Variants in ZFAND3 observed in about 807,000 individuals in gnomAD.
ZFAND3 encodes zinc finger AN1-type containing 3.
In ZFAND3, 10 loss-of-function variants were observed where a neutral mutation model predicts 29.6. The ratio of observed to expected loss-of-function variants is 0.34; its 90% CI spans 0.21 to 0.57. The LOEUF (loss-of-function observed/expected upper bound fraction) is 0.57. Among genes scored for constraint, ZFAND3 ranks in the 20% least tolerant of loss-of-function variants. The pLI, the probability that ZFAND3 is intolerant of heterozygous loss-of-function variation, is 0.86. For synonymous variants in ZFAND3, 128 were observed against 112.6 expected (o/e 1.14, Z -0.87); for missense variants, 230 against 304.5 (o/e 0.76, Z 1.82).
At chr6:37,895,092 A>T (rs187741) in intron 1 of ZFAND3, among the ~76,000 whole-genome samples, 96,302 of 151,784 alleles carry the variant, frequency 0.63, 31,314 homozygotes, top group African/African-American at 0.75. Flanking sequence ...TCTTCAAAAA[A>T]TTTTTTGCCT....
At chr6:37,915,767 T>G (rs1251301791) in intron 1 of ZFAND3, 1 of 152,008 alleles carries the variant, frequency 6.6e-6, no homozygotes, top group South Asian at 2.1e-4. Context: ...TTTAAAAAAT[T>G]TTTTGTTTAT....
Position 37,930,009 on chromosome 6 carries a change from G to T in ZFAND3, c.112+10G>T. 1 of 1,566,486 alleles carries T rather than the reference G, an allele frequency of 6.4e-7. No homozygotes were observed. On this transcript the variant is annotated intron_variant, in intron 2 of 5. Coordinates refer to ENST00000287218, the MANE Select transcript of ZFAND3 (RefSeq NM_021943.3). ...TCCAAATGCTTTGCTGGTAAGTGCA[G>T]AAAAAGGGTTTTTTAATTTACTTTC...
intron 4 of ZFAND3, among the ~76,000 whole-genome samples, chr6:38,093,660 A>G (rs981054280): frequency 6.6e-6 from 1 of 152,158 alleles, no homozygotes; most frequent in African/African-American, 2.4e-5. Context: ...AAGGAAAGCT[A>G]TGGCCATGGC....
chr6:37,862,110 AC>A (rs2127384214), intron 1 of ZFAND3, among the ~76,000 whole-genome samples: 1 of 147,332 alleles, frequency 6.8e-6, no homozygotes, highest in African/African-American at 2.7e-5. Flanking sequence ...ATTTCTGTTT[AC>A]TTTTTTATAT....
At chr6:38,085,412 G>A (rs1471634336) in intron 4 of ZFAND3, among the ~76,000 whole-genome samples, 1 of 152,146 alleles carries the variant, frequency 6.6e-6, no homozygotes. Context: ...AATGATGTGT[G>A]TTAGAACAAG....
intron 2 of ZFAND3, among the ~76,000 whole-genome samples, chr6:38,035,881 T>C (rs996913810): frequency 6.6e-6 from 1 of 152,190 alleles, no homozygotes; most frequent in Non-Finnish European, 1.5e-5. Flanking sequence ...CTCTGGAAAT[T>C]GTCCTAAGGG....
At chr6:37,846,712 T>G (rs894095840) in intron 1 of ZFAND3, among the ~76,000 whole-genome samples, 5 of 151,862 alleles carry the variant, frequency 3.3e-5, no homozygotes, top group East Asian at 1.9e-4. Context: ...TGATTTTTTT[T>G]TTTTTGTTTT....
chr6:38,099,517 C>G (rs1176018054), intron 4 of ZFAND3, among the ~76,000 whole-genome samples: 2 of 152,196 alleles, frequency 1.3e-5, no homozygotes, highest in Non-Finnish European at 2.9e-5. Flanking sequence ...AACCACAACT[C>G]AGAATTTTAA....
In ZFAND3 at chr6:37,939,131, T is replaced by G. The variant is rs191219556; in HGVS notation, c.112+9132T>G. Among the ~76,000 whole-genome samples the G allele has an allele frequency of 3.4e-3, 515 of 152,320 alleles. 1 individual carries two copies. Among genetic ancestry groups the G allele is most frequent in the Middle Eastern group, 6.8e-3 (2 of 294 alleles). ...GGTATCTGTATTAGTTTCCTAGGGT[T>G]GCCACAACAAATTGCCATACACTTG... On this transcript the variant is annotated intron_variant, in intron 2 of 5. Coordinates refer to ENST00000287218, the MANE Select transcript of ZFAND3 (RefSeq NM_021943.3).
chr6:37,938,192 T>C (rs940191366), intron 2 of ZFAND3, among the ~76,000 whole-genome samples: 11 of 152,242 alleles, frequency 7.2e-5, no homozygotes, highest in African/African-American at 2.4e-4. Context: ...TGTATTCTTT[T>C]AAATAATGCT....
intron 1 of ZFAND3, among the ~76,000 whole-genome samples, chr6:37,867,075 G>A (rs761769850): frequency 1.3e-5 from 2 of 152,208 alleles, no homozygotes; most frequent in East Asian, 1.9e-4. Context: ...AGAATGCATA[G>A]TAATGATTGG....
chr6:37,852,730 T>C lies in ZFAND3; in HGVS notation c.71+32714T>C, dbSNP rs574252206. Among the ~76,000 whole-genome samples the C allele has an allele frequency of 5.4e-4, 81 of 150,526 alleles. 1 individual carries two copies. Among genetic ancestry groups the C allele is most frequent in the Non-Finnish European group, 1.1e-3 (73 of 67,314 alleles). ...CCTTTTTCTTTTCTTTTTTTTTTTT[T>C]TTAAAGACAGAGTCTTGTTCTGTTG... On this transcript the variant is annotated intron_variant, in intron 1 of 5. Transcript: ENST00000287218.
At chr6:38,146,157 C>A (rs960464116) in intron 5 of ZFAND3, among the ~76,000 whole-genome samples, 1 of 129,798 alleles carries the variant, frequency 7.7e-6, no homozygotes, top group African/African-American at 2.9e-5. Context: ...CATTCCTGTT[C>A]CATGTGCCCC....
chr6:37,904,950 A>G (rs1332903164), intron 1 of ZFAND3, among the ~76,000 whole-genome samples: 1 of 152,166 alleles, frequency 6.6e-6, no homozygotes, highest in Non-Finnish European at 1.5e-5. Flanking sequence ...TATTTCATAT[A>G]ATACATTTAT....
intron 1 of ZFAND3, among the ~76,000 whole-genome samples, chr6:37,866,756 AAAG>A (rs997556286): frequency 1.3e-5 from 2 of 152,194 alleles, no homozygotes; most frequent in Non-Finnish European, 2.9e-5. Context: ...CACTTAAAGA[AAAG>A]AGGTTCTTAT....
intron 2 of ZFAND3, among the ~76,000 whole-genome samples, chr6:37,979,565 T>A (rs1222391979): frequency 6.6e-6 from 1 of 152,204 alleles, no homozygotes; most frequent in Non-Finnish European, 1.5e-5. Context: ...AGATAAAACC[T>A]TCTTGAGTAC....
chr6:38,016,324 A>G (rs1274684576), intron 2 of ZFAND3, among the ~76,000 whole-genome samples: 3 of 152,178 alleles, frequency 2.0e-5, no homozygotes, highest in African/African-American at 7.2e-5. Context: ...ACCTAGATTA[A>G]ATAATTCTTG....
At chr6:38,030,053 T>G (rs1461247316) in intron 2 of ZFAND3, among the ~76,000 whole-genome samples, 7 of 932 alleles carry the variant, frequency 7.5e-3, no homozygotes, top group African/African-American at 0.018. Flanking sequence ...TTCTGCTGGA[T>G]ATATATATAT....
intron 3 of ZFAND3, among the ~76,000 whole-genome samples, chr6:38,071,905 A>G (rs945350399): frequency 2.0e-5 from 3 of 152,200 alleles, no homozygotes; most frequent in Non-Finnish European, 2.9e-5. Flanking sequence ...TCTTACTTTT[A>G]GAAACCTACT....
Sources: gnomAD v4.1 joint callset for allele counts (sites outside exome capture counted in the v4.1 genomes callset) on GRCh38, gnomAD v4.1.1 for gene constraint, MANE v1.5 for transcripts, NCBI Gene and HGNC (gene_info 2026-07-23, HGNC 2026-07-21) for gene names.